Variants in PCSK9 observed in about 807,000 individuals in gnomAD.
PCSK9 encodes the protein convertase subtilisin/kexin type 9 preproprotein.
PCSK9 carries 57 observed loss-of-function variants against 62.1 expected under a neutral mutation model. The ratio of observed to expected loss-of-function variants is 0.92; its 90% CI spans 0.74 to 1.14. The LOEUF (loss-of-function observed/expected upper bound fraction) is 1.14. PCSK9 is among the 50% of genes most tolerant of loss of function. The pLI, the probability that PCSK9 is intolerant of heterozygous loss-of-function variation, is 0.00. For synonymous variants in PCSK9, 387 were observed against 409.4 expected, an observed-to-expected ratio of 0.95 and a Z score of 0.66; for missense variants, 870 against 959.8, an observed-to-expected ratio of 0.91 and a Z score of 1.24.
At chr1:55,057,816 G>A (rs1161310100) in intron 7 of PCSK9, among the ~76,000 whole-genome samples, 1 of 152,234 alleles carries the variant, frequency 6.6e-6, no homozygotes, top group Non-Finnish European at 1.5e-5. Context: ...AGTTCACCTG[G>A]CCGATAAGAC....
chr1:55,043,247 GT>G (rs1644609092), intron 1 of PCSK9, among the ~76,000 whole-genome samples: 2 of 152,306 alleles, frequency 1.3e-5, no homozygotes, highest in South Asian at 4.1e-4. Flanking sequence ...TGCTCACTTA[GT>G]CATCCCTTCT....
intron 3 of PCSK9, among the ~76,000 whole-genome samples, chr1:55,048,740 C>A (rs986483111): frequency 6.6e-6 from 1 of 152,216 alleles, no homozygotes; most frequent in Non-Finnish European, 1.5e-5. Flanking sequence ...ACCTTGCATA[C>A]GTCACTCACC....
intron 6 of PCSK9, among the ~76,000 whole-genome samples, chr1:55,057,062 T>A (rs1490518147): frequency 2.2e-5 from 1 of 45,948 alleles, no homozygotes; most frequent in African/African-American, 6.8e-5. Context: ...ATACACCGAA[T>A]AGTTTCCTAT....
chr1:55,043,469 A>AT (rs1051752595), intron 1 of PCSK9, among the ~76,000 whole-genome samples: 7 of 150,286 alleles, frequency 4.7e-5, no homozygotes, highest in Admixed American at 6.6e-5. Context: ...AAAGCCCATG[A>AT]TTTTTTCCCT....
At position 55,040,193 on chromosome 1, in the gene PCSK9, T is replaced by C; in HGVS notation, c.207+149T>C. 1 of 1,126,202 alleles carries C rather than the reference T, an allele frequency of 8.9e-7. No homozygotes were observed. The highest frequency in any genetic ancestry group is 1.3e-6 in the Non-Finnish European group (1 of 797,912). The allele number at this position is 1,126,202 out of a possible 1,614,324, so 69.8% of individuals were successfully genotyped here. ...CTTCGCTTGGCACGATCTTGGGGAC[T>C]GCAGGCAAGGCGGCGGGGGAGGACG... On this transcript the variant is annotated intron_variant, in intron 1 of 11. Transcript: ENST00000302118. This position sits in a 1 kb window ranked among gnomAD's most constrained non-coding sequence, Gnocchi z 4.1.
rs1644582356 is a variant in PCSK9 at position 55,039,662 on chromosome 1, T to C, written c.-176T>C. On this transcript the variant is annotated 5_prime_UTR_variant, in exon 1 of 12. Coordinates refer to ENST00000302118, the MANE Select transcript of PCSK9 (RefSeq NM_174936.4). ...GCTCGGGCGGGCCGGGACGCGTCGT[T>C]GCAGCAGCGGCTCCCAGCTCCCAGC... The C allele has an allele frequency of 6.8e-6, 5 of 737,540 alleles. No homozygotes were observed. The highest frequency in any genetic ancestry group is 2.6e-5 in the Admixed American group (1 of 38,110). 45.7% of individuals were successfully genotyped at this position (737,540 alleles called of 1,614,324 possible). A position where few individuals can be genotyped will look rare whatever the true frequency, so the allele number is the denominator to read the frequency against.
intron 7 of PCSK9, 121 bp from the exon 8 acceptor site, chr1:55,057,915 T>C: frequency 7.2e-7 from 1 of 1,388,032 alleles, no homozygotes; most frequent in Non-Finnish European, 1.0e-6. Flanking sequence ...AGAAGAGAGC[T>C]TAGTGTCTGT....
chr1:55,041,908 A>G (rs1644600335), intron 1 of PCSK9, among the ~76,000 whole-genome samples: 1 of 152,166 alleles, frequency 6.6e-6, no homozygotes, highest in Non-Finnish European at 1.5e-5. Context: ...AGAGCTGGGA[A>G]AACCAGAGGT....
chr1:55,040,041 CA>C lies in PCSK9; in HGVS notation c.206del (p.Lys69ArgfsTer14). ...GTTATFHRCAKDPWRLPGTYV... is the reference protein window; with the variant it reads ...GTTATFHRCAXDPWRLPGTYV... ...CCACAGCCACCTTCCACCGCTGCGC[CA>C]AGGTGCGGGTGTAGGGATGGGAGGC... On this transcript the variant is annotated frameshift_variant and splice_region_variant, in exon 1 of 12. Transcript: ENST00000302118. LOFTEE classifies it high-confidence loss of function. This position sits in a 1 kb window ranked among gnomAD's most constrained non-coding sequence, Gnocchi z 4.1. 1 of 1,564,064 alleles carries C rather than the reference CA, an allele frequency of 6.4e-7. No individual in the cohort carries two copies. The highest frequency in any genetic ancestry group is 1.9e-5 in the Admixed American group (1 of 53,400).
rs1389352615 is a variant in PCSK9, at chr1:55,064,358, A to G, written c.*774A>G. On this transcript the variant is annotated 3_prime_UTR_variant, in exon 12 of 12. Transcript: ENST00000302118. Reference sequence around the variant, plus strand: ...GTACACATTCGCACCCCTACTTCACAGAGGAAGAAACCTGGAACCAGAGGG... The same window carrying G: ...GTACACATTCGCACCCCTACTTCACGGAGGAAGAAACCTGGAACCAGAGGG... 1 of 152,266 alleles carries G rather than the reference A, an allele frequency of 6.6e-6. No homozygotes were observed. The highest frequency in any genetic ancestry group is 2.4e-5 in the African/African-American group (1 of 41,438). The allele number at this position is 152,266 out of a possible 1,614,324, so 9.4% of individuals were successfully genotyped here.
rs554538997 is a variant in PCSK9, at chr1:55,039,659, C to A, written c.-179C>A. The A allele has an allele frequency of 6.9e-6, 5 of 721,278 alleles. No homozygotes were observed. The highest frequency in any genetic ancestry group is 5.5e-5 in the East Asian group (2 of 36,682). The allele number at this position is 721,278 out of a possible 1,614,324, so 44.7% of individuals were successfully genotyped here. A position where few individuals can be genotyped will look rare whatever the true frequency, so the allele number is the denominator to read the frequency against. On this transcript the variant is annotated 5_prime_UTR_variant, in exon 1 of 12. Transcript: ENST00000302118. ...CTGGCTCGGGCGGGCCGGGACGCGT[C>A]GTTGCAGCAGCGGCTCCCAGCTCCC... is the stretch of plus-strand genomic sequence containing the variant.
Position 55,052,261 on chromosome 1 carries a change from A to G in PCSK9, c.524-17A>G. On this transcript the variant is annotated splice_polypyrimidine_tract_variant and intron_variant, in intron 3 of 11. Coordinates refer to ENST00000302118, the MANE Select transcript of PCSK9 (RefSeq NM_174936.4). Reference sequence around the variant, plus strand: ...TATGCTCATTCCCTCCTCTCCCACAAATGTCGCCTTGGAAAGACGGAGGCA... The same window carrying G: ...TATGCTCATTCCCTCCTCTCCCACAGATGTCGCCTTGGAAAGACGGAGGCA... The G allele has an allele frequency of 6.2e-7, 1 of 1,613,912 alleles. No individual in the cohort carries two copies. Among genetic ancestry groups the G allele is most frequent in the East Asian group, 2.2e-5 (1 of 44,876 alleles).
intron 3 of PCSK9, 38 bp from the exon 4 acceptor site, chr1:55,052,240 C>T: frequency 6.2e-7 from 1 of 1,613,530 alleles, no homozygotes; most frequent in Non-Finnish European, 8.5e-7. Flanking sequence ...TGACTTTATG[C>T]TCATTCCCTC....
chr1:55,046,431 A>ACAGGTTTGAT, intron 2 of PCSK9, 92 bp from the exon 3 acceptor site: 2 of 1,586,012 alleles, frequency 1.3e-6, no homozygotes, highest in Non-Finnish European at 1.7e-6. Flanking sequence ...GGATGTGGGG[A>ACAGGTTTGAT]CAGGTTTGAT....
In PCSK9 at chr1:55,058,219, A is replaced by T. The variant is rs759303255; in HGVS notation, c.1354+10A>T. On this transcript the variant is annotated intron_variant, in intron 8 of 11. Coordinates refer to ENST00000302118, the MANE Select transcript of PCSK9 (RefSeq NM_174936.4). ...AGCACCCATGGGGCAGGTAAGCAGG[A>T]TGGCAGGGTGGGCAAGTCCAGGCTG... 1 of 1,610,132 alleles carries T rather than the reference A, an allele frequency of 6.2e-7. No homozygotes were observed. Among genetic ancestry groups the T allele is most frequent in the Admixed American group, 1.7e-5 (1 of 59,964 alleles).
intron 10 of PCSK9, among the ~76,000 whole-genome samples, chr1:55,059,992 G>A (rs1644746971): frequency 6.6e-6 from 1 of 152,226 alleles, no homozygotes; most frequent in Non-Finnish European, 1.5e-5. Flanking sequence ...GCTCCAGAGA[G>A]AGGCCCCCGG....
chr1:55,046,692 C>A lies in PCSK9; in HGVS notation c.523+46C>A, dbSNP rs72646505. The A allele has an allele frequency of 3.8e-3, 6,074 of 1,609,334 alleles. 191 individuals carry two copies. The African/African-American group carries it at 0.072, about 19-fold the overall frequency. On this transcript the variant is annotated intron_variant, in intron 3 of 11. Transcript: ENST00000302118. ...CTGCCCCACCCCATCTGAGCTGAATCCATTTGCTCTGCCCTGGCCTGGCCT... is the reference window on the plus strand; with the variant it reads ...CTGCCCCACCCCATCTGAGCTGAATACATTTGCTCTGCCCTGGCCTGGCCT...
intron 2 of PCSK9, among the ~76,000 whole-genome samples, chr1:55,045,835 G>C (rs866340251): frequency 6.6e-6 from 1 of 151,794 alleles, no homozygotes; most frequent in Non-Finnish European, 1.5e-5. Flanking sequence ...TCAGCCTCCC[G>C]AGTAGCTGGG....
intron 2 of PCSK9, among the ~76,000 whole-genome samples, chr1:55,046,065 A>G (rs757243841): frequency 1.3e-4 from 20 of 152,172 alleles, no homozygotes; most frequent in African/African-American, 3.6e-4. Context: ...GCTGAGCCCA[A>G]CTGGAAGCTT....
Sources: allele counts gnomAD v4.1 joint callset (sites outside exome capture counted in the v4.1 genomes callset), GRCh38; gene constraint gnomAD v4.1.1; non-coding constraint Gnocchi (gnomAD v3.1); transcripts MANE v1.5; gene names NCBI Gene and HGNC (gene_info 2026-07-23, HGNC 2026-07-21).